ST7L: variants seen among roughly 807,000 people sequenced by gnomAD.
ST7L encodes the protein suppressor of tumorigenicity 7 protein-like.
ST7L carries 57 observed loss-of-function variants against 72.5 expected under a neutral mutation model. That is an observed-to-expected ratio of 0.79 (90% CI 0.64 to 0.98). The LOEUF (loss-of-function observed/expected upper bound fraction) is 0.98, where lower values mean the gene tolerates loss of function less well. Among genes scored for constraint, ST7L ranks in the 50% least tolerant of loss-of-function variants. ST7L has a pLI of 0.00. For synonymous variants in ST7L, 221 were observed against 240.9 expected, an observed-to-expected ratio of 0.92 and a Z score of 0.77; for missense variants, 576 against 672.2, an observed-to-expected ratio of 0.86 and a Z score of 1.58.
intron 4 of ST7L, among the ~76,000 whole-genome samples, chr1:112,599,931 G>A (rs191681988): frequency 2.0e-5 from 3 of 152,308 alleles, no homozygotes; most frequent in African/African-American, 7.2e-5. Context: ...CAGGCTATGT[G>A]TGGTGGCTCA....
chr1:112,591,895 CTTG>C (rs1229565982), intron 5 of ST7L, among the ~76,000 whole-genome samples: 1 of 151,882 alleles, frequency 6.6e-6, no homozygotes, highest in Non-Finnish European at 1.5e-5. Context: ...TATCTAAATG[CTTG>C]TTAACATTGA....
intron 5 of ST7L, among the ~76,000 whole-genome samples, chr1:112,592,325 T>G (rs1571210843): frequency 6.6e-6 from 1 of 152,312 alleles, no homozygotes; most frequent in East Asian, 1.9e-4. Context: ...ATAGAGAACC[T>G]ATGAGTGTTG....
intron 1 of ST7L, chr1:112,617,096 T>A (rs1244071399): frequency 5.6e-6 from 2 of 359,094 alleles, no homozygotes. Context: ...ATGAGGTAAT[T>A]CAGCTTGCTT....
chr1:112,605,017 G>C (rs1016749786), intron 3 of ST7L, among the ~76,000 whole-genome samples: 2 of 147,704 alleles, frequency 1.4e-5, no homozygotes, highest in African/African-American at 5.1e-5. Flanking sequence ...AACCCAGGAG[G>C]CAGAGGTTGC....
At chr1:112,558,492 G>A (rs1041471887) in intron 11 of ST7L, among the ~76,000 whole-genome samples, 2 of 152,154 alleles carry the variant, frequency 1.3e-5, no homozygotes, top group African/African-American at 4.8e-5. Flanking sequence ...TTTATGAAAT[G>A]TACCTTTCCA....
intron 2 of ST7L, among the ~76,000 whole-genome samples, chr1:112,613,666 A>G (rs1268085665): frequency 6.6e-6 from 1 of 152,140 alleles, no homozygotes; most frequent in Non-Finnish European, 1.5e-5. Flanking sequence ...TGAATTTCCT[A>G]ATTTGTGTAT....
intron 12 of ST7L, among the ~76,000 whole-genome samples, chr1:112,555,102 T>G (rs1658880791): frequency 6.6e-6 from 1 of 152,242 alleles, no homozygotes; most frequent in Non-Finnish European, 1.5e-5. Flanking sequence ...GCCACTGAAC[T>G]ATATACTTAA....
chr1:112,529,371 A>G (rs562870766), intron 14 of ST7L: 2 of 152,346 alleles, frequency 1.3e-5, no homozygotes, highest in East Asian at 3.9e-4. Context: ...TCACAAAAGA[A>G]AAGCTCAAGG....
In ST7L at chr1:112,582,087, G is replaced by A; in HGVS notation, c.974C>T (p.Pro325Leu). The A allele has an allele frequency of 6.2e-7, 1 of 1,610,776 alleles. No homozygotes were observed. The highest frequency in any genetic ancestry group is 8.5e-7 in the Non-Finnish European group (1 of 1,177,592). ...IMRDLMKEFP[P>L]LTMLNIHENL... ...TTCATGGATGTTCAACATGGTAAGA[G>A]GAGGAAATTCTTTCATCAACTGTAT... The change falls in exon 9 of 15, where the codon CCT becomes CTT. Residue 325 changes from proline to leucine, a missense_variant. This residue lies in a region of ST7L where 511 missense variants were observed against 600.7 expected (regional missense o/e 0.85). Coordinates refer to ENST00000358039, the MANE Select transcript of ST7L (RefSeq NM_017744.5).
chr1:112,578,567 A>C (rs1663529064), intron 9 of ST7L, 150 bp from the exon 10 acceptor site: 1 of 675,862 alleles, frequency 1.5e-6, no homozygotes, highest in Non-Finnish European at 2.6e-6. Flanking sequence ...TGAGGTCAGG[A>C]GTTCAAGACC....
At chr1:112,574,525 G>T (rs898291742) in intron 11 of ST7L, among the ~76,000 whole-genome samples, 2 of 151,682 alleles carry the variant, frequency 1.3e-5, no homozygotes, top group Non-Finnish European at 2.9e-5. Flanking sequence ...CAGGCGTGGT[G>T]GCGGGCGCCT....
At chr1:112,599,073 A>AAATATATATATAT (rs1190968815) in intron 4 of ST7L, among the ~76,000 whole-genome samples, 3 of 57,000 alleles carry the variant, frequency 5.3e-5, no homozygotes, top group East Asian at 1.9e-3. Flanking sequence ...AAAAAAAAAA[A>AAATATATATATAT]ATATATATAT....
chr1:112,610,468 G>A (rs1271373420), intron 3 of ST7L: 1 of 183,080 alleles, frequency 5.5e-6, no homozygotes, highest in Non-Finnish European at 1.1e-5. Context: ...ATTATAAACA[G>A]TATAAATTTA....
chr1:112,533,684 C>CT (rs1654747152), intron 14 of ST7L, among the ~76,000 whole-genome samples: 1 of 151,974 alleles, frequency 6.6e-6, no homozygotes, highest in Non-Finnish European at 1.5e-5. Flanking sequence ...AAGACAAGGT[C>CT]TTGCTCTGTG....
intron 14 of ST7L, among the ~76,000 whole-genome samples, chr1:112,538,635 T>A (rs1039309787): frequency 1.3e-5 from 2 of 152,130 alleles, no homozygotes; most frequent in Non-Finnish European, 2.9e-5. Context: ...ACGAGAGCCA[T>A]TGCACCTGGC....
chr1:112,526,238 C>CAAAAGAGCCATTGGT, intron 14 of ST7L, 127 bp from the exon 15 acceptor site: 2 of 1,319,078 alleles, frequency 1.5e-6, no homozygotes, highest in Non-Finnish European at 1.0e-6. Context: ...CAACCAATGG[C>CAAAAGAGCCATTGGT]TCTTTTGCCA....
chr1:112,586,277 ATAAAGATTTAAAAATTAGCTGGG>A (rs1664856564), intron 6 of ST7L, among the ~76,000 whole-genome samples: 1 of 152,108 alleles, frequency 6.6e-6, no homozygotes, highest in South Asian at 2.1e-4. Flanking sequence ...AACAATAATA[ATAAAGATTTAAAAATTAGCTGGG>A]TGTGGTTGTG....
rs116335992 is a variant in ST7L at position 112,618,912 on chromosome 1, C to A, written c.202G>T (p.Ala68Ser). The A allele has an allele frequency of 4.3e-4, 665 of 1,558,720 alleles. 4 individuals carry two copies. In the African/African-American group the frequency reaches 8.1e-3, roughly 19 times the overall value. ...IPLRLCENLA[A>S]VTVFLNSLTP... ...CCAGGAGGTCTGGTCCTCTCACCCGCTGCCAAATTCTCACACAGCCTCAAA... is the reference window on the plus strand; with the variant it reads ...CCAGGAGGTCTGGTCCTCTCACCCGATGCCAAATTCTCACACAGCCTCAAA... The change falls in exon 1 of 15, where the codon GCG becomes TCG. Residue 68 changes from alanine (A) to serine (S), a missense_variant. By Grantham distance (99) the Ala-to-Ser change is moderately conservative. Coordinates refer to ENST00000358039, the MANE Select transcript of ST7L (RefSeq NM_017744.5).
chr1:112,587,102 T>C (rs1394117227), intron 6 of ST7L, among the ~76,000 whole-genome samples: 3 of 152,180 alleles, frequency 2.0e-5, no homozygotes, highest in Non-Finnish European at 4.4e-5. Flanking sequence ...TTCAAGGTGA[T>C]GATGATTTGT....
Sources: gnomAD v4.1 joint callset for allele counts (sites outside exome capture counted in the v4.1 genomes callset) on GRCh38, gnomAD v4.1.1 for gene constraint, gnomAD v4.1.1 regional missense constraint, MANE v1.5 for transcripts, NCBI Gene and HGNC (gene_info 2026-07-23, HGNC 2026-07-21) for gene names.